The following ESRRG variants were observed in gnomAD, a reference collection of about 807,000 sequenced individuals.
ESRRG encodes the protein estrogen related receptor gamma.
Under a neutral mutation model 44.0 loss-of-function variants are expected in ESRRG, and 13 were observed. The ratio of observed to expected loss-of-function variants is 0.30; its 90% CI spans 0.19 to 0.47. The LOEUF (loss-of-function observed/expected upper bound fraction) is 0.47, where lower values mean the gene tolerates loss of function less well. Ranked by LOEUF, ESRRG falls within the 20% of genes least tolerant of loss-of-function variation. The probability of loss-of-function intolerance (pLI) is 1.00; values close to 1 mark genes in which losing one functional copy is unlikely to be tolerated. For missense variants in ESRRG, 395 were observed against 580.6 expected (o/e 0.68, Z 3.29); for synonymous variants, 215 against 214.6 (o/e 1.00, Z -0.02).
intron 1 of ESRRG, among the ~76,000 whole-genome samples, chr1:217,025,864 T>C (rs2081103374): frequency 6.6e-6 from 1 of 152,254 alleles, no homozygotes; most frequent in Non-Finnish European, 1.5e-5. Flanking sequence ...CACTACCATT[T>C]AATTTCCATA....
At chr1:216,618,687 C>T (rs960197932) in intron 3 of ESRRG, among the ~76,000 whole-genome samples, 2 of 152,094 alleles carry the variant, frequency 1.3e-5, no homozygotes, top group African/African-American at 4.8e-5. Flanking sequence ...AAATAATTTT[C>T]GAAATTTTCC....
At chr1:216,777,881 C>T (rs1482491165) in intron 2 of ESRRG, among the ~76,000 whole-genome samples, 1 of 152,038 alleles carries the variant, frequency 6.6e-6, no homozygotes, top group East Asian at 1.9e-4. Flanking sequence ...CTCTCTATTC[C>T]ATTATCTCTT....
At chr1:216,659,921 T>C (rs2071812113) in intron 2 of ESRRG, among the ~76,000 whole-genome samples, 1 of 152,188 alleles carries the variant, frequency 6.6e-6, no homozygotes, top group Admixed American at 6.5e-5. Flanking sequence ...GTCAAGTCAA[T>C]GACCCATAGG....
chr1:216,606,885 C>G (rs1392326141), intron 3 of ESRRG, among the ~76,000 whole-genome samples: 1 of 152,110 alleles, frequency 6.6e-6, no homozygotes, highest in Non-Finnish European at 1.5e-5. Flanking sequence ...AGACATGTGT[C>G]TACATAACTG....
chr1:217,126,254 G>A (rs1447833625), intron 1 of ESRRG, among the ~76,000 whole-genome samples: 1 of 152,044 alleles, frequency 6.6e-6, no homozygotes. Flanking sequence ...GTAGCACCAT[G>A]TAGGAAAAAA....
chr1:216,519,020 A>C, intron 6 of ESRRG, 132 bp downstream of exon 6: 2 of 701,196 alleles, frequency 2.9e-6, no homozygotes, highest in South Asian at 3.5e-5. Context: ...CTAGAAAGCT[A>C]TACTGATTAT....
intron 1 of ESRRG, among the ~76,000 whole-genome samples, chr1:216,699,094 G>A (rs2080882469): frequency 6.6e-6 from 1 of 152,208 alleles, no homozygotes; most frequent in Admixed American, 6.5e-5. Context: ...CTGCATTGCT[G>A]TATCAAATAT....
At chr1:216,758,809 G>A (rs1387876103) in intron 2 of ESRRG, among the ~76,000 whole-genome samples, 3 of 151,832 alleles carry the variant, frequency 2.0e-5, no homozygotes, top group Non-Finnish European at 4.4e-5. Context: ...AAAAGAGTCT[G>A]ATTACCCCCA....
In ESRRG at chr1:216,677,456, A is replaced by G. The variant is rs781648588; in HGVS notation, c.92T>C (p.Ile31Thr). 4 of 1,613,230 alleles carry G rather than the reference A, an allele frequency of 2.5e-6. No individual in the cohort carries two copies. The highest frequency in any genetic ancestry group is 1.1e-5 in the South Asian group (1 of 91,002). Residue 31 changes from isoleucine to threonine, a missense_variant, in exon 2 of 7, where the codon ATT becomes ACT. By Grantham distance (89) the Ile-to-Thr change is moderately conservative (BLOSUM62 -1). Transcript: ENST00000408911. ...LCRMSNKDRH[I>T]DSSCSSFIKT... ...GATGAAGGACGAACAGCTGGAATCA[A>G]TGTGTCGATCTTTGTTTGACATTCT...
chr1:216,908,130 C>G (rs1034508389), intron 2 of ESRRG, among the ~76,000 whole-genome samples: 30 of 152,274 alleles, frequency 2.0e-4, no homozygotes, highest in African/African-American at 7.2e-4. Context: ...ATCCAGAATG[C>G]TATTTGGATG....
intron 1 of ESRRG, among the ~76,000 whole-genome samples, chr1:216,964,710 C>G (rs917287414): frequency 4.6e-5 from 7 of 151,554 alleles, no homozygotes; most frequent in Non-Finnish European, 8.8e-5. Flanking sequence ...AAAAATGTTC[C>G]TACTATTAGT....
chr1:216,903,459 C>T (rs943439923), intron 2 of ESRRG, among the ~76,000 whole-genome samples: 1 of 131,198 alleles, frequency 7.6e-6, no homozygotes, highest in Non-Finnish European at 1.6e-5. Flanking sequence ...GTGTGTGTGT[C>T]GGGGGACTAT....
intron 1 of ESRRG, among the ~76,000 whole-genome samples, chr1:216,684,458 T>A (rs1470773059): frequency 2.0e-5 from 3 of 152,228 alleles, no homozygotes; most frequent in African/African-American, 7.2e-5. Context: ...TGGCTCTAAA[T>A]ACAGTAAGTG....
intron 2 of ESRRG, among the ~76,000 whole-genome samples, chr1:216,821,947 A>C (rs1290490836): frequency 6.6e-6 from 1 of 151,604 alleles, no homozygotes; most frequent in Admixed American, 6.6e-5. Context: ...TGGGATGCTG[A>C]CCTCCATATT....
chr1:216,719,583 T>G (rs1033555267), intron 1 of ESRRG, among the ~76,000 whole-genome samples: 1 of 152,034 alleles, frequency 6.6e-6, no homozygotes, highest in Non-Finnish European at 1.5e-5. Flanking sequence ...TATTAGCATT[T>G]TTAAAAGCTG....
intron 2 of ESRRG, among the ~76,000 whole-genome samples, chr1:216,860,614 G>GA (rs1404902989): frequency 6.6e-6 from 1 of 151,908 alleles, no homozygotes; most frequent in East Asian, 1.9e-4. Context: ...TTTAAAGAAA[G>GA]AAAAAACTGT....
At chr1:216,692,194 A>G (rs969122413) in intron 1 of ESRRG, among the ~76,000 whole-genome samples, 8 of 152,040 alleles carry the variant, frequency 5.3e-5, no homozygotes, top group African/African-American at 1.7e-4. Flanking sequence ...CATTGTTGTC[A>G]TAGGAGATGA....
chr1:216,621,193 C>T (rs764578130), intron 3 of ESRRG, among the ~76,000 whole-genome samples: 61 of 152,300 alleles, frequency 4.0e-4, no homozygotes, highest in Non-Finnish European at 6.6e-4. Context: ...CTAACCTTGA[C>T]CTACCCTATC....
intron 6 of ESRRG, among the ~76,000 whole-genome samples, chr1:216,508,974 A>G (rs1157802553): frequency 6.6e-6 from 1 of 152,166 alleles, no homozygotes; most frequent in Non-Finnish European, 1.5e-5. Flanking sequence ...TGGGAATTAC[A>G]CTCTGCAGTG....
Sources: gnomAD v4.1 joint callset for allele counts (sites outside exome capture counted in the v4.1 genomes callset) on GRCh38, gnomAD v4.1.1 for gene constraint, MANE v1.5 for transcripts, NCBI Gene and HGNC (gene_info 2026-07-23, HGNC 2026-07-21) for gene names.